Variants in SMG9 observed in about 807,000 individuals in gnomAD.
SMG9 encodes nonsense-mediated mRNA decay factor SMG9.
Under a neutral mutation model 64.0 loss-of-function variants are expected in SMG9, and 55 were observed. The ratio of observed to expected loss-of-function variants is 0.86; its 90% confidence interval spans 0.69 to 1.08. The LOEUF (loss-of-function observed/expected upper bound fraction) is 1.08. Among genes scored for constraint, SMG9 ranks in the 50% least tolerant of loss-of-function variants. The pLI, the probability that SMG9 is intolerant of heterozygous loss-of-function variation, is 0.00. For missense variants in SMG9, 554 were observed against 681.3 expected (o/e 0.81, Z 2.08); for synonymous variants, 244 against 254.8 (o/e 0.96, Z 0.41).
intron 2 of SMG9, among the ~76,000 whole-genome samples, chr19:43,749,867 CA>C (rs900074720): frequency 6.6e-6 from 1 of 152,178 alleles, no homozygotes; most frequent in African/African-American, 2.4e-5. Context: ...GTCCTGGACC[CA>C]AAGTTTATTG....
At chr19:43,746,165 C>T (rs774011157) in intron 5 of SMG9, among the ~76,000 whole-genome samples, 3 of 152,100 alleles carry the variant, frequency 2.0e-5, no homozygotes, top group African/African-American at 2.4e-5. Flanking sequence ...AGAGCGAGAC[C>T]GTCTCCTAAA....
intron 12 of SMG9, 141 bp from the exon 13 acceptor site, chr19:43,733,143 ACTC>A: frequency 1.5e-6 from 2 of 1,304,356 alleles, no homozygotes; most frequent in Non-Finnish European, 2.1e-6. Flanking sequence ...TCTGAAACAC[ACTC>A]CTAATAAAGG....
In SMG9 at chr19:43,733,466, C is replaced by T. The variant is rs370550860; in HGVS notation, c.1211-14G>A. ...TGGACAGAGTTCCTGGAGGAGAAAA[C>T]GCTTCAGCCTTCAGGTACCATGTTG... On this transcript the variant is annotated splice_polypyrimidine_tract_variant and intron_variant, in intron 11 of 13. Coordinates refer to ENST00000270066, the MANE Select transcript of SMG9 (RefSeq NM_019108.4). 623 of 1,613,534 alleles carry T rather than the reference C, an allele frequency of 3.9e-4. No individual in the cohort carries two copies. The highest frequency in any genetic ancestry group is 4.9e-4 in the Non-Finnish European group (580 of 1,179,948).
chr19:43,751,338 T>C (rs751560845), intron 1 of SMG9, among the ~76,000 whole-genome samples: 7 of 152,022 alleles, frequency 4.6e-5, no homozygotes, highest in Non-Finnish European at 8.8e-5. Context: ...GGTTTCACCA[T>C]GTTGGCCAGG....
chr19:43,746,862 T>C (rs1192091927), intron 5 of SMG9, among the ~76,000 whole-genome samples: 1 of 151,748 alleles, frequency 6.6e-6, no homozygotes, highest in East Asian at 1.9e-4. Flanking sequence ...CACTCTGTTG[T>C]TGAGGTTGGA....
chr19:43,735,641 C>CAAAAG (rs1968641339), intron 9 of SMG9, among the ~76,000 whole-genome samples: 1 of 116,632 alleles, frequency 8.6e-6, no homozygotes, highest in Non-Finnish European at 1.8e-5. Context: ...AAAAAAAAAT[C>CAAAAG]TGTGTGGTTT....
intron 9 of SMG9, 33 bp from the exon 10 acceptor site, chr19:43,734,528 G>A (rs1447508849): frequency 1.4e-6 from 2 of 1,461,326 alleles, no homozygotes; most frequent in South Asian, 1.2e-5. Context: ...TGTTGCTCTT[G>A]CACTTGCACC....
At chr19:43,734,361 C>T in intron 10 of SMG9, 28 bp downstream of exon 10, 3 of 1,524,564 alleles carry the variant, frequency 2.0e-6, no homozygotes, top group Non-Finnish European at 8.9e-7. Context: ...CTCCTGCCCA[C>T]CCCTCCAGTC....
At position 43,748,035 on chromosome 19, in the gene SMG9, T is replaced by C. The variant is rs201001773; in HGVS notation, c.168A>G (p.Thr56=). ...ERERRDASEE[T]STSVMQKTPI... ...GGGTTTTCTGCATGACGGAAGTGCT[T>C]GTCTCTTCGCTGGCATCCTGTGGTG... The change falls in exon 3 of 14, where the codon ACA becomes ACG. Residue 56 remains threonine (T), a synonymous_variant. Transcript: ENST00000270066. 275 of 1,611,404 alleles carry C rather than the reference T, an allele frequency of 1.7e-4. 5 individuals carry two copies. In the South Asian group the frequency reaches 2.8e-3, roughly 16 times the overall value.
intron 6 of SMG9, among the ~76,000 whole-genome samples, chr19:43,741,641 C>T (rs997883433): frequency 5.3e-5 from 8 of 152,156 alleles, no homozygotes; most frequent in Non-Finnish European, 1.2e-4. Context: ...TTATCTCCTA[C>T]CACTCCCCTT....
chr19:43,740,126 A>G lies in SMG9; in HGVS notation c.794T>C (p.Ile265Thr), dbSNP rs1205905348. 6.2e-7 allele frequency: 1 copy of G among 1,613,696 alleles called. No individual in the cohort carries two copies. The highest frequency in any genetic ancestry group is 1.7e-5 in the Admixed American group (1 of 59,998). ...TGGCACCTGTGTGTCCAGGAAAACA[A>G]TCCGTTCTTGGGTAATAAAGAAGTC... ...GIDFFITQER[I>T]VFLDTQPILS... The change falls in exon 7 of 14, where the codon ATT becomes ACT. Residue 265 changes from isoleucine to threonine, a missense_variant. Ile to Thr is a moderately conservative substitution (Grantham distance 89). Coordinates refer to ENST00000270066, the MANE Select transcript of SMG9 (RefSeq NM_019108.4).
At chr19:43,753,912 T>C (rs1275210105) in intron 1 of SMG9, among the ~76,000 whole-genome samples, 5 of 132,516 alleles carry the variant, frequency 3.8e-5, no homozygotes, top group African/African-American at 1.0e-4. Flanking sequence ...GAGACTCTTG[T>C]CTCAAAGAAA....
chr19:43,736,054 C>T (rs1440628219), intron 9 of SMG9, among the ~76,000 whole-genome samples: 4 of 152,202 alleles, frequency 2.6e-5, no homozygotes, highest in Non-Finnish European at 5.9e-5. Context: ...CACAGCTCAG[C>T]TGCATTAGAT....
At chr19:43,740,077 G>T in intron 7 of SMG9, 30 bp downstream of exon 7, 1 of 1,422,702 alleles carries the variant, frequency 7.0e-7, no homozygotes, top group Non-Finnish European at 9.9e-7. Context: ...GGATGTGGCA[G>T]GGTGGGGCAA....
intron 9 of SMG9, among the ~76,000 whole-genome samples, chr19:43,736,676 G>A (rs564965204): frequency 2.2e-4 from 33 of 152,332 alleles, no homozygotes; most frequent in African/African-American, 7.7e-4. Context: ...TGTGTGCCAG[G>A]CACTGTGTGA....
chr19:43,740,606 C>A (rs2146380074), intron 6 of SMG9, among the ~76,000 whole-genome samples: 1 of 152,252 alleles, frequency 6.6e-6, no homozygotes, highest in South Asian at 2.1e-4. Context: ...GATCAAAACT[C>A]TGTGTATTAC....
At position 43,744,807 on chromosome 19, in the gene SMG9, T is replaced by C; in HGVS notation, c.666A>G (p.Ser222=). 6.2e-7 allele frequency: 1 copy of C among 1,613,840 alleles called. No homozygotes were observed. The stretch of plus-strand genomic sequence containing the variant: ...CCTCTGGAGTGTTGGCTGACAACAA[T>C]GACATGACCATGGACTTGCCTGTCC... ...LQGTGKSMVM[S]LLSANTPEED... is the part of the protein sequence containing the mutation. Residue 222 remains serine, a synonymous_variant, in exon 6 of 14, where the codon TCA becomes TCG. Coordinates refer to ENST00000270066, the MANE Select transcript of SMG9 (RefSeq NM_019108.4).
At position 43,729,848 on chromosome 19, in the gene SMG9, G is replaced by A. The variant is rs1968417376; in HGVS notation, c.*1748C>T. 1 of 152,378 alleles carries A rather than the reference G, an allele frequency of 6.6e-6. No homozygotes were observed. Among genetic ancestry groups the A allele is most frequent in the Non-Finnish European group, 1.5e-5 (1 of 68,180 alleles). The allele number at this position is 152,378 out of a possible 1,614,324, so 9.4% of individuals were successfully genotyped here. A position where few individuals can be genotyped will look rare whatever the true frequency, so the allele number is the denominator to read the frequency against. ...ATGTCACAGCTCTGAAGGGCCTCGA[G>A]GATGATCTTAAATGTTGGAATAATG... On this transcript the variant is annotated 3_prime_UTR_variant, in exon 14 of 14. Coordinates refer to ENST00000270066, the MANE Select transcript of SMG9 (RefSeq NM_019108.4).
In SMG9 at chr19:43,728,878, CG is replaced by C. The variant is rs1028962106; in HGVS notation, c.*2717del. The C allele has an allele frequency of 8.2e-5, 44 of 533,524 alleles. No individual in the cohort carries two copies. The Admixed American group carries it at 1.3e-3, about 15-fold the overall frequency. The allele number at this position is 533,524 out of a possible 1,614,324, so 33.0% of individuals were successfully genotyped here. On this transcript the variant is annotated 3_prime_UTR_variant, in exon 14 of 14. Coordinates refer to ENST00000270066, the MANE Select transcript of SMG9 (RefSeq NM_019108.4). ...GTATTCCTGTGTCTGAATTGAAAAG[CG>C]TGAGTTCCACCTGCTGGGAATGATG...
Sources: allele counts gnomAD v4.1 joint callset (sites outside exome capture counted in the v4.1 genomes callset), GRCh38; gene constraint gnomAD v4.1.1; transcripts MANE v1.5; gene names NCBI Gene and HGNC (gene_info 2026-07-23, HGNC 2026-07-21).